Variants in TLN2 observed in about 807,000 individuals in gnomAD.
TLN2 encodes the protein talin-2.
In TLN2, 118 loss-of-function variants were observed where a neutral mutation model predicts 294.7. That is an observed-to-expected ratio of 0.40 (90% CI 0.34 to 0.47). The LOEUF (loss-of-function observed/expected upper bound fraction) is 0.47. Ranked by LOEUF, TLN2 falls within the 20% of genes least tolerant of loss-of-function variation. The probability of loss-of-function intolerance (pLI) is 0.84; values close to 1 mark genes in which losing one functional copy is unlikely to be tolerated. For synonymous variants in TLN2, 1,431 were observed against 1,304.5 expected, an observed-to-expected ratio of 1.10 and a Z score of -2.09; for missense variants, 3,083 against 3,282.2, an observed-to-expected ratio of 0.94 and a Z score of 1.48.
chr15:62,454,360 C>G (rs2036335103), intron 1 of TLN2, among the ~76,000 whole-genome samples: 2 of 152,158 alleles, frequency 1.3e-5, no homozygotes, highest in Admixed American at 1.3e-4. Context: ...ACCAGGGAGG[C>G]CAGGCCCTGA....
At chr15:62,549,707 A>C (rs753029189) in intron 1 of TLN2, among the ~76,000 whole-genome samples, 25 of 152,218 alleles carry the variant, frequency 1.6e-4, no homozygotes, top group Admixed American at 1.6e-3. Context: ...GGTTTCTCTC[A>C]ACCGGAGGTG....
intron 1 of TLN2, among the ~76,000 whole-genome samples, chr15:62,438,479 C>T (rs1168430364): frequency 6.6e-6 from 1 of 152,166 alleles, no homozygotes; most frequent in African/African-American, 2.4e-5. Context: ...ACATGTCAAC[C>T]TTTAAACATT....
At chr15:62,500,243 CAGG>C (rs936489176) in intron 1 of TLN2, among the ~76,000 whole-genome samples, 1 of 152,124 alleles carries the variant, frequency 6.6e-6, no homozygotes, top group African/African-American at 2.4e-5. Flanking sequence ...GAGGCTGAGG[CAGG>C]AGAATTGCTT....
intron 52 of TLN2, among the ~76,000 whole-genome samples, chr15:62,815,886 C>A (rs1240416208): frequency 6.6e-6 from 1 of 152,214 alleles, no homozygotes; most frequent in Non-Finnish European, 1.5e-5. Flanking sequence ...CCTATTCTCT[C>A]TTTGCCTGTG....
intron 3 of TLN2, among the ~76,000 whole-genome samples, chr15:62,631,456 CTT>C (rs2049813970): frequency 6.6e-6 from 1 of 151,152 alleles, no homozygotes; most frequent in Non-Finnish European, 1.5e-5. Flanking sequence ...CTTCCTTTCT[CTT>C]TCTTTCTCTC....
chr15:62,451,561 G>A (rs2036152711), intron 1 of TLN2, among the ~76,000 whole-genome samples: 1 of 152,184 alleles, frequency 6.6e-6, no homozygotes, highest in Non-Finnish European at 1.5e-5. Flanking sequence ...GGAGGCGGAG[G>A]CAGGAGGAAC....
chr15:62,565,692 A>G (rs779180735), intron 1 of TLN2, among the ~76,000 whole-genome samples: 1 of 152,234 alleles, frequency 6.6e-6, no homozygotes, highest in Non-Finnish European at 1.5e-5. Flanking sequence ...TGTGGTCTAC[A>G]TGAAGGACAT....
intron 10 of TLN2, among the ~76,000 whole-genome samples, chr15:62,674,569 C>G (rs1442612734): frequency 6.6e-6 from 1 of 150,382 alleles, no homozygotes; most frequent in African/African-American, 2.4e-5. Flanking sequence ...TCTCAGCTCA[C>G]TGCAACCTCC....
chr15:62,763,621 A>T lies in TLN2; in HGVS notation c.5020A>T (p.Ile1674Phe), dbSNP rs766515845. The change falls in exon 40 of 59, where the codon ATC (isoleucine) becomes TTC (phenylalanine). Residue 1674 changes from isoleucine to phenylalanine, a missense_variant. Transcript: ENST00000636159. ...DYSIDGINRCIRDIEQASLAA... is the reference protein window; with the variant it reads ...DYSIDGINRCFRDIEQASLAA... ...CTCCATCGATGGCATCAACCGGTGCATCCGGGACATCGAGCAGGCCTCGCT... is the reference window on the plus strand; with the variant it reads ...CTCCATCGATGGCATCAACCGGTGCTTCCGGGACATCGAGCAGGCCTCGCT... The T allele has an allele frequency of 6.2e-7, 1 of 1,613,782 alleles. No individual in the cohort carries two copies. Among genetic ancestry groups the T allele is most frequent in the Admixed American group, 1.7e-5 (1 of 60,026 alleles).
intron 12 of TLN2, among the ~76,000 whole-genome samples, chr15:62,691,338 T>C (rs2057892120): frequency 6.6e-6 from 1 of 152,214 alleles, no homozygotes; most frequent in Non-Finnish European, 1.5e-5. Context: ...TTTTCAGGTT[T>C]ACTGATTTTA....
intron 1 of TLN2, among the ~76,000 whole-genome samples, chr15:62,400,431 T>C (rs1218753563): frequency 1.3e-5 from 2 of 152,238 alleles, no homozygotes; most frequent in Non-Finnish European, 2.9e-5. Context: ...ACTTAATTCT[T>C]GTCTGAATTT....
rs774375563 is a variant in TLN2 at position 62,819,518 on chromosome 15, T to C, written c.6774T>C (p.Ile2258=). 7 of 1,613,914 alleles carry C rather than the reference T, an allele frequency of 4.3e-6. No homozygotes were observed. In the African/African-American group the frequency reaches 9.3e-5, roughly 22 times the overall value. ...TCTGACTTGTTCTTCACCTGTAGATTCTTCAGAAACCAACCCCAGAATTCA... is the reference window on the plus strand; with the variant it reads ...TCTGACTTGTTCTTCACCTGTAGATCCTTCAGAAACCAACCCCAGAATTCA... ...YLDLLEHVLV[I]LQKPTPEFKQ... is the part of the protein sequence containing the mutation. Residue 2258 remains isoleucine, a splice_region_variant and synonymous_variant, in exon 53 of 59, where the codon ATT becomes ATC. Coordinates refer to ENST00000636159, the MANE Select transcript of TLN2 (RefSeq NM_015059.3).
At chr15:62,556,157 T>C (rs2140572192) in intron 1 of TLN2, among the ~76,000 whole-genome samples, 1 of 152,106 alleles carries the variant, frequency 6.6e-6, no homozygotes, top group South Asian at 2.1e-4. Flanking sequence ...TGTAGTAAAA[T>C]TTAAAATAAG....
chr15:62,433,929 C>T (rs919696660), intron 1 of TLN2, among the ~76,000 whole-genome samples: 1 of 152,056 alleles, frequency 6.6e-6, no homozygotes, highest in Non-Finnish European at 1.5e-5. Context: ...GCAGAGGTTG[C>T]AGTGAGCCGA....
In TLN2 at chr15:62,827,138, C is replaced by T. The variant is rs536221881; in HGVS notation, c.7003-6366C>T. On this transcript the variant is annotated intron_variant, in intron 54 of 58. Coordinates refer to ENST00000636159, the MANE Select transcript of TLN2 (RefSeq NM_015059.3). ...CCTATGCATGCCTTATGCTCCTTCA[C>T]CTTCAAGTTCATTGGCGGAAGGAGC... 1.8e-4 allele frequency among the ~76,000 whole-genome samples: 28 copies of T among 152,316 alleles called. 1 individual carries two copies. The South Asian group carries it at 5.8e-3, about 32-fold the overall frequency.
chr15:62,781,090 A>C (rs777365159), intron 43 of TLN2, 50 bp from the exon 44 acceptor site: 30 of 1,403,728 alleles, frequency 2.1e-5, no homozygotes, highest in Non-Finnish European at 2.9e-5. Context: ...TACAGTCTAC[A>C]CTTCAGCAGG....
chr15:62,775,238 A>G (rs1181295674), intron 42 of TLN2, among the ~76,000 whole-genome samples: 1 of 151,062 alleles, frequency 6.6e-6, no homozygotes, highest in Non-Finnish European at 1.5e-5. Flanking sequence ...TTGTGTCTGT[A>G]ACAGTCATCT....
intron 22 of TLN2, among the ~76,000 whole-genome samples, chr15:62,712,983 AAGGC>A (rs745638044): frequency 0.042 from 6,387 of 152,242 alleles, 429 homozygotes; most frequent in African/African-American, 0.14. Context: ...AAGATTCATT[AAGGC>A]CAGGCACGGT....
At chr15:62,755,352 G>A (rs2062178730) in intron 36 of TLN2, 180 bp from the exon 37 acceptor site, 1 of 684,258 alleles carries the variant, frequency 1.5e-6, no homozygotes, top group Non-Finnish European at 2.3e-6. Context: ...TATTATCTGT[G>A]CTTAAGATTT....
Sources: allele counts gnomAD v4.1 joint callset (sites outside exome capture counted in the v4.1 genomes callset), GRCh38; gene constraint gnomAD v4.1.1; transcripts MANE v1.5; gene names NCBI Gene and HGNC (gene_info 2026-07-23, HGNC 2026-07-21).